Variants in YTHDF3 observed in about 807,000 individuals in gnomAD.
YTHDF3 encodes the protein YTH N6-methyladenosine RNA binding protein F3, also known as YTH domain-containing family protein 3.
In YTHDF3, 9 loss-of-function variants were observed where a neutral mutation model predicts 52.5. The ratio of observed to expected loss-of-function variants is 0.17; its 90% confidence interval spans 0.10 to 0.30. The LOEUF is 0.30. Ranked by LOEUF, YTHDF3 falls within the 10% of genes least tolerant of loss-of-function variation. YTHDF3 has a pLI of 1.00. For missense variants in YTHDF3, 534 were observed against 715.0 expected, an observed-to-expected ratio of 0.75 and a Z score of 2.89; for synonymous variants, 274 against 243.3, an observed-to-expected ratio of 1.13 and a Z score of -1.18.
chr8:63,172,516 G>A (rs890596278), intron 2 of YTHDF3: 1 of 375,142 alleles, frequency 2.7e-6, no homozygotes, highest in Non-Finnish European at 4.7e-6. Context: ...GCAATATTCT[G>A]TTGTATTCTC....
At chr8:63,209,321 C>T (rs1323603992) in intron 4 of YTHDF3, among the ~76,000 whole-genome samples, 1 of 152,082 alleles carries the variant, frequency 6.6e-6, no homozygotes, top group Non-Finnish European at 1.5e-5. Context: ...ACCTTTTTCT[C>T]CTGCCCCTAC....
chr8:63,198,137 TATA>T (rs1809357446), intron 4 of YTHDF3, among the ~76,000 whole-genome samples: 1 of 152,186 alleles, frequency 6.6e-6, no homozygotes, highest in South Asian at 2.1e-4. Flanking sequence ...AAGGCATAAT[TATA>T]ATAAAATCTC....
intron 3 of YTHDF3, among the ~76,000 whole-genome samples, chr8:63,177,320 C>G (rs1807761684): frequency 6.6e-6 from 1 of 152,100 alleles, no homozygotes; most frequent in Admixed American, 6.5e-5. Flanking sequence ...CCTTAACCAC[C>G]CCTTCCTATC....
At chr8:63,192,324 C>T (rs113730974) in intron 4 of YTHDF3, among the ~76,000 whole-genome samples, 3,046 of 152,236 alleles carry the variant, frequency 0.02, 44 homozygotes, top group Middle Eastern at 0.054. Flanking sequence ...TTTACCCTCC[C>T]CACCCCGTTT....
intron 3 of YTHDF3, among the ~76,000 whole-genome samples, chr8:63,179,787 A>G (rs1353699556): frequency 6.8e-6 from 1 of 147,292 alleles, no homozygotes; most frequent in African/African-American, 2.5e-5. Context: ...ACTTCCCAGT[A>G]GGGGCGGCCG....
At chr8:63,201,200 A>G (rs573201853) in intron 4 of YTHDF3, among the ~76,000 whole-genome samples, 3 of 152,316 alleles carry the variant, frequency 2.0e-5, no homozygotes, top group Middle Eastern at 3.4e-3. Flanking sequence ...TGCAAAAAGT[A>G]AGAGAAATAT....
intron 4 of YTHDF3, chr8:63,188,701 A>ATTTTTTTT (rs1191554468): frequency 1.8e-4 from 11 of 61,452 alleles, no homozygotes; most frequent in Middle Eastern, 0.015. Flanking sequence ...ATATATATAT[A>ATTTTTTTT]TTTTTTTTTT....
intron 4 of YTHDF3, among the ~76,000 whole-genome samples, chr8:63,205,957 C>T (rs374856466): frequency 9.9e-4 from 151 of 152,288 alleles, no homozygotes; most frequent in African/African-American, 3.5e-3. Flanking sequence ...GCACTGTGGA[C>T]TTTCAAATTT....
chr8:63,192,562 G>T (rs1388382675), intron 4 of YTHDF3, among the ~76,000 whole-genome samples: 1 of 152,164 alleles, frequency 6.6e-6, no homozygotes, highest in Non-Finnish European at 1.5e-5. Context: ...AGCATATAGG[G>T]TACCATGTGT....
At chr8:63,178,185 G>A (rs1299182852) in intron 3 of YTHDF3, among the ~76,000 whole-genome samples, 1 of 152,164 alleles carries the variant, frequency 6.6e-6, no homozygotes, top group African/African-American at 2.4e-5. Flanking sequence ...TTTGTCACAA[G>A]GACATAGAAG....
At chr8:63,173,202 T>TTATATATATATATATATATATATATATA (rs545707272) in intron 2 of YTHDF3, among the ~76,000 whole-genome samples, 3,899 of 124,056 alleles carry the variant, frequency 0.031, 180 homozygotes, top group East Asian at 0.066. Flanking sequence ...AGGATTATAT[T>TTATATATATATATATATATATATATATA]TATATATATA....
At chr8:63,195,977 T>G (rs1185310212) in intron 4 of YTHDF3, among the ~76,000 whole-genome samples, 2 of 152,076 alleles carry the variant, frequency 1.3e-5, no homozygotes, top group Non-Finnish European at 2.9e-5. Flanking sequence ...AATTTTTCTT[T>G]GTTTAGTAGA....
chr8:63,207,223 C>T (rs530970199), intron 4 of YTHDF3, among the ~76,000 whole-genome samples: 1 of 152,240 alleles, frequency 6.6e-6, no homozygotes, highest in East Asian at 1.9e-4. Flanking sequence ...GACTTTAAGT[C>T]CACTGTCTGA....
intron 3 of YTHDF3, among the ~76,000 whole-genome samples, chr8:63,180,949 CAG>C (rs1315253317): frequency 6.6e-6 from 1 of 152,226 alleles, no homozygotes; most frequent in African/African-American, 2.4e-5. Flanking sequence ...GGCTCGGCAT[CAG>C]AGGGAGACCG....
intron 3 of YTHDF3, 81 bp from the exon 4 acceptor site, chr8:63,186,066 C>G: frequency 7.3e-7 from 1 of 1,371,746 alleles, no homozygotes; most frequent in Non-Finnish European, 9.9e-7. Flanking sequence ...CTTAAAACTT[C>G]TTGATTTTAA....
chr8:63,204,983 T>G (rs1809922933), intron 4 of YTHDF3, among the ~76,000 whole-genome samples: 1 of 152,210 alleles, frequency 6.6e-6, no homozygotes, highest in African/African-American at 2.4e-5. Context: ...GTTTTCAGCC[T>G]GTTTCATAGT....
At chr8:63,184,572 A>G (rs1808375493) in intron 3 of YTHDF3, among the ~76,000 whole-genome samples, 1 of 152,256 alleles carries the variant, frequency 6.6e-6, no homozygotes, top group African/African-American at 2.4e-5. Context: ...GTTTTCAATG[A>G]TAAGCCTTTT....
In YTHDF3 at chr8:63,168,911, C is replaced by T; in HGVS notation, c.24+10C>T. On this transcript the variant is annotated intron_variant, in intron 1 of 4. Transcript: ENST00000539294. ...CACTAGCGTGGATCAGGTGAGGGAG[C>T]AGAGGCCCCAGGCTTGGCGAAGGCC... 5.8e-6 allele frequency: 9 copies of T among 1,551,588 alleles called. No homozygotes were observed. Among genetic ancestry groups the T allele is most frequent in the Non-Finnish European group, 7.8e-6 (9 of 1,147,350 alleles).
rs187209464 is a variant in YTHDF3, at chr8:63,199,313, C to T, written c.1735-10370C>T. Among the ~76,000 whole-genome samples the T allele has an allele frequency of 2.0e-5, 3 of 152,186 alleles. No individual in the cohort carries two copies. The East Asian group carries it at 5.8e-4, about 29-fold the overall frequency. ...TATACAGGGGATTATTCCAGGACCC[C>T]CGCAAATACCAAAATCTGCACATAC... On this transcript the variant is annotated intron_variant, in intron 4 of 4. Transcript: ENST00000539294.
Sources: allele counts gnomAD v4.1 joint callset (sites outside exome capture counted in the v4.1 genomes callset), GRCh38; gene constraint gnomAD v4.1.1; transcripts MANE v1.5; gene names NCBI Gene and HGNC (gene_info 2026-07-23, HGNC 2026-07-21).